ZNF469: variants seen among roughly 807,000 people sequenced by gnomAD.
ZNF469 encodes zinc finger protein 469.
Under a neutral mutation model 1.0 loss-of-function variants are expected in ZNF469, and 1 was observed. The ratio of observed to expected loss-of-function variants is 1.00; its 90% CI spans 0.35 to 4.73. The LOEUF is 4.73. ZNF469 is among the 30% of genes most tolerant of loss of function. The pLI, the probability that ZNF469 is intolerant of heterozygous loss-of-function variation, is 0.16. For synonymous variants in ZNF469, 2,703 were observed against 2,363.4 expected (o/e 1.14, Z -4.17); for missense variants, 6,100 against 5,356.3 (o/e 1.14, Z -4.33).
chr16:88,117,893 C>A, the ZNF469 span, among the ~76,000 whole-genome samples: 1 of 152,318 alleles, frequency 6.6e-6, no homozygotes, highest in African/African-American at 2.4e-5. Flanking sequence ...ACACTGCGCC[C>A]GTCAGCAGAG....
rs773608978 is a variant in ZNF469, at chr16:88,430,274, A to G, written c.2804A>G (p.Glu935Gly). The G allele has an allele frequency of 1.4e-4, 210 of 1,515,562 alleles. 1 individual carries two copies. Among genetic ancestry groups the G allele is most frequent in the Non-Finnish European group, 8.9e-5 (101 of 1,133,366 alleles). 93.9% of individuals were successfully genotyped at this position (1,515,562 alleles called of 1,614,324 possible). The change falls in exon 3 of 3, where the codon GAG becomes GGG. Residue 935 changes from glutamate (E) to glycine (G), a missense_variant. Glu to Gly is a moderately conservative substitution (Grantham distance 98). Transcript: ENST00000565624. ...CGTTCCCTGGGTCTGGCCCCCACCG[A>G]GGCGGATGCGCCCAGCCAGGGCAGG... ...KTRSLGLAPTEADAPSQGRQQ... is the reference protein window; with the variant it reads ...KTRSLGLAPTGADAPSQGRQQ...
the ZNF469 span, among the ~76,000 whole-genome samples, chr16:88,253,802 G>C: frequency 6.6e-6 from 1 of 152,198 alleles, no homozygotes; most frequent in Non-Finnish European, 1.5e-5. Flanking sequence ...GCCTCCCAAA[G>C]TGCTGGGATT....
the ZNF469 span, among the ~76,000 whole-genome samples, chr16:88,280,401 C>A: frequency 2.0e-5 from 3 of 151,546 alleles, no homozygotes; most frequent in Admixed American, 1.3e-4. Context: ...GCCACACCAA[C>A]GCTTAGTCAG....
Position 88,430,505 on chromosome 16 carries a change from T to C in ZNF469, c.3035T>C (p.Val1012Ala), listed in dbSNP as rs2142303082. ...AGCCGCGCAGACCCCGCGCCCCGGG[T>C]CCCGAGAGCCGCCGCCCTCCCCGAG... ...PGSRADPAPR[V>A]PRAAALPEET... The change falls in exon 3 of 3, where the codon GTC becomes GCC. Residue 1012 changes from valine to alanine, a missense_variant. Val to Ala is a moderately conservative substitution (Grantham distance 64, BLOSUM62 0). Transcript: ENST00000565624. 7.0e-7 allele frequency: 1 copy of C among 1,420,194 alleles called. No individual in the cohort carries two copies. The highest frequency in any genetic ancestry group is 9.1e-7 in the Non-Finnish European group (1 of 1,097,224). The allele number at this position is 1,420,194 out of a possible 1,614,324, so 88.0% of individuals were successfully genotyped here. A position where few individuals can be genotyped will look rare whatever the true frequency, so the allele number is the denominator to read the frequency against.
At chr16:88,143,779 C>T in the ZNF469 span, among the ~76,000 whole-genome samples, 1 of 152,234 alleles carries the variant, frequency 6.6e-6, no homozygotes, top group Admixed American at 6.5e-5. Flanking sequence ...CTGGATGTGT[C>T]CTCTGATCGG....
the ZNF469 span, among the ~76,000 whole-genome samples, chr16:88,364,428 T>C: frequency 6.7e-6 from 1 of 149,558 alleles, no homozygotes; most frequent in African/African-American, 2.5e-5. Context: ...TTTGTCTGGC[T>C]ATTATTGTTC....
At chr16:88,400,897 G>T (rs995147259) in intron 1 of ZNF469, among the ~76,000 whole-genome samples, 1 of 151,934 alleles carries the variant, frequency 6.6e-6, no homozygotes, top group Non-Finnish European at 1.5e-5. Flanking sequence ...GGGCCAGGGG[G>T]TGGCGGGGGC....
In ZNF469 at chr16:88,435,535, G is replaced by A. The variant is rs1446616818; in HGVS notation, c.8065G>A (p.Gly2689Arg). ...LSVEGGPEAD[G>R]EQPPRLATLG... ...TGTGGAAGGAGGGCCTGAGGCTGACGGGGAGCAGCCGCCTCGCTTGGCCAC... is the reference window on the plus strand; with the variant it reads ...TGTGGAAGGAGGGCCTGAGGCTGACAGGGAGCAGCCGCCTCGCTTGGCCAC... The change falls in exon 3 of 3, where the codon GGG becomes AGG. Residue 2689 changes from glycine (G) to arginine (R), a missense_variant. Transcript: ENST00000565624. The A allele has an allele frequency of 3.5e-5, 55 of 1,549,414 alleles. No individual in the cohort carries two copies. Among genetic ancestry groups the A allele is most frequent in the East Asian group, 4.9e-5 (2 of 40,936 alleles).
chr16:88,158,771 G>A, the ZNF469 span, among the ~76,000 whole-genome samples: 1 of 152,214 alleles, frequency 6.6e-6, no homozygotes, highest in East Asian at 1.9e-4. Flanking sequence ...GGGAAGCCAG[G>A]CCGAGTCAGA....
At chr16:88,238,147 C>T in the ZNF469 span, among the ~76,000 whole-genome samples, 1 of 152,380 alleles carries the variant, frequency 6.6e-6, no homozygotes, top group South Asian at 2.1e-4. Context: ...GTGCTCCGCC[C>T]CTCCCAACTG....
chr16:88,285,398 G>T, the ZNF469 span, among the ~76,000 whole-genome samples: 1 of 152,282 alleles, frequency 6.6e-6, no homozygotes, highest in Admixed American at 6.5e-5. Context: ...TGGTCACCCT[G>T]GTGGACGAAG....
the ZNF469 span, among the ~76,000 whole-genome samples, chr16:88,321,410 A>G: frequency 5.4e-4 from 82 of 151,110 alleles, no homozygotes; most frequent in Non-Finnish European, 1.0e-3. Context: ...AGCCCTTGGC[A>G]TCTGCTCATA....
At chr16:88,114,260 T>G in the ZNF469 span, among the ~76,000 whole-genome samples, 1 of 134,192 alleles carries the variant, frequency 7.5e-6, no homozygotes, top group Non-Finnish European at 1.6e-5. Flanking sequence ...ACTGCGGGTG[T>G]CTCCGGGGAG....
rs1314700215 is a variant in ZNF469 at position 88,434,269 on chromosome 16, C to T, written c.6799C>T (p.Arg2267Ter). The change falls in exon 3 of 3, where the codon CGA becomes TGA. Residue 2267 changes from arginine to a stop codon, truncating the protein, a stop_gained. Coordinates refer to ENST00000565624, the MANE Select transcript of ZNF469 (RefSeq NM_001367624.2). LOFTEE classifies it low-confidence loss of function (END_TRUNC). ...AGAGAAGCTGTGGGAGTCTCCTGGC[C>T]GAGCCACCTCTCCTCCTCTGGCAGG... is the stretch of plus-strand genomic sequence containing the variant. ...RKEKLWESPGRATSPPLAGAV... is the reference protein window; with the variant it reads ...RKEKLWESPG The T allele has an allele frequency of 1.3e-6, 2 of 1,550,340 alleles. No homozygotes were observed. The highest frequency in any genetic ancestry group is 1.4e-5 in the African/African-American group (1 of 73,162).
chr16:88,423,029 A>G (rs927765412), intron 1 of ZNF469, among the ~76,000 whole-genome samples: 3 of 147,206 alleles, frequency 2.0e-5, no homozygotes, highest in Non-Finnish European at 4.5e-5. Context: ...GGGTATCTGG[A>G]TGGATGGGTA....
rs867021038 is a variant in ZNF469, at chr16:88,429,540, C to G, written c.2070C>G (p.Phe690Leu). The G allele has an allele frequency of 6.5e-7, 1 of 1,549,644 alleles. No individual in the cohort carries two copies. The highest frequency in any genetic ancestry group is 8.7e-7 in the Non-Finnish European group (1 of 1,146,624). ...TCCAGTGCCTGGAGGAGACCCCATT[C>G]CCCCACGAGGGCCCCGAGGTGGGTC... ...GAFQCLEETPFPHEGPEVGRG... is the reference protein window; with the variant it reads ...GAFQCLEETPLPHEGPEVGRG... Residue 690 changes from phenylalanine to leucine, a missense_variant, in exon 3 of 3, where the codon TTC becomes TTG. By Grantham distance (22) the Phe-to-Leu change is conservative (BLOSUM62 0). Coordinates refer to ENST00000565624, the MANE Select transcript of ZNF469 (RefSeq NM_001367624.2).
intron 1 of ZNF469, among the ~76,000 whole-genome samples, chr16:88,398,333 C>G (rs1186030462): frequency 6.6e-6 from 1 of 152,164 alleles, no homozygotes; most frequent in Non-Finnish European, 1.5e-5. Flanking sequence ...CCACGTGAGC[C>G]ACGGGTGAAG....
At chr16:88,190,129 T>C in the ZNF469 span, among the ~76,000 whole-genome samples, 3 of 149,606 alleles carry the variant, frequency 2.0e-5, no homozygotes, top group Non-Finnish European at 4.4e-5. Flanking sequence ...AGTGGACGGG[T>C]CTCAAGCCAC....
At chr16:88,258,346 G>C in the ZNF469 span, among the ~76,000 whole-genome samples, 2 of 152,222 alleles carry the variant, frequency 1.3e-5, no homozygotes, top group Non-Finnish European at 2.9e-5. Flanking sequence ...TTTTGCTCAA[G>C]GAAGGTTCCT....
Sources: allele counts gnomAD v4.1 joint callset (sites outside exome capture counted in the v4.1 genomes callset), GRCh38; gene constraint gnomAD v4.1.1; transcripts MANE v1.5; gene names NCBI Gene and HGNC (gene_info 2026-07-23, HGNC 2026-07-21).